Variants in EPHA3 observed in about 807,000 individuals in gnomAD.
The protein encoded by EPHA3 is ephrin type-A receptor 3.
Under a neutral mutation model 107.1 loss-of-function variants are expected in EPHA3, and 42 were observed. The observed-to-expected ratio is 0.39, with a 90% CI of 0.31 to 0.51. EPHA3 has a LOEUF of 0.51. Ranked by LOEUF, EPHA3 falls within the 20% of genes least tolerant of loss-of-function variation. EPHA3 has a pLI of 0.78. For synonymous variants in EPHA3, 461 were observed against 424.8 expected, an observed-to-expected ratio of 1.09 and a Z score of -1.05; for missense variants, 1,183 against 1,211.2, an observed-to-expected ratio of 0.98 and a Z score of 0.35.
At chr3:89,293,663 G>A (rs1001710398) in intron 3 of EPHA3, among the ~76,000 whole-genome samples, 5 of 152,058 alleles carry the variant, frequency 3.3e-5, no homozygotes, top group Admixed American at 2.0e-4. Context: ...AAAAGAGTGT[G>A]GCACTTCCCT....
Position 89,367,852 on chromosome 3 carries a change from T to C in EPHA3, c.1306+25762T>C, listed in dbSNP as rs149661363. On this transcript the variant is annotated intron_variant, in intron 5 of 16. Coordinates refer to ENST00000336596, the MANE Select transcript of EPHA3 (RefSeq NM_005233.6). ...AATTCTTCTCAGCTGGAAATAGTTG[T>C]CCTTTTATCACAACTCCCATAGGGC... Among the ~76,000 whole-genome samples, 779 of 150,926 alleles carry C rather than the reference T, an allele frequency of 5.2e-3. 13 individuals carry two copies. The highest frequency in any genetic ancestry group is 0.018 in the African/African-American group (732 of 41,426).
intron 3 of EPHA3, among the ~76,000 whole-genome samples, chr3:89,240,217 TTC>T (rs1331286806): frequency 6.6e-6 from 1 of 152,210 alleles, no homozygotes; most frequent in Non-Finnish European, 1.5e-5. Flanking sequence ...GATGATGATT[TTC>T]TGTTTTGTTT....
Position 89,219,689 on chromosome 3 carries a change from T to TGTTTTTTTTTGTTTTTTTG in EPHA3, c.814+9169_814+9170insGTTTTTTTTTGTTTTTTTG, listed in dbSNP as rs1265976438. Among the ~76,000 whole-genome samples the TGTTTTTTTTTGTTTTTTTG allele has an allele frequency of 1.1e-3, 19 of 16,608 alleles. 1 individual carries two copies. Among genetic ancestry groups the TGTTTTTTTTTGTTTTTTTG allele is most frequent in the African/African-American group, 3.6e-3 (19 of 5,304 alleles). The allele number at this position is 16,608 out of a possible 152,430, so 10.9% of individuals were successfully genotyped here. A position where few individuals can be genotyped will look rare whatever the true frequency, so the allele number is the denominator to read the frequency against. Reference sequence around the variant, plus strand: ...TACCTCCAAGAGGCATTTGGCAATGTTTTTTTTTTTTTTGTTTTTTGTTTT... The same window carrying TGTTTTTTTTTGTTTTTTTG: ...TACCTCCAAGAGGCATTTGGCAATGTGTTTTTTTTTGTTTTTTTGTTTTTTTTTTTTTGTTTTTTGTTTT... On this transcript the variant is annotated intron_variant, in intron 3 of 16. Coordinates refer to ENST00000336596, the MANE Select transcript of EPHA3 (RefSeq NM_005233.6).
chr3:89,309,899 A>G (rs1285563281), intron 3 of EPHA3, among the ~76,000 whole-genome samples: 1 of 139,892 alleles, frequency 7.1e-6, no homozygotes, highest in Non-Finnish European at 1.5e-5. Context: ...CAAACATTCC[A>G]TTTCATAATG....
At chr3:89,132,981 C>T (rs531828145) in intron 2 of EPHA3, among the ~76,000 whole-genome samples, 2 of 152,262 alleles carry the variant, frequency 1.3e-5, no homozygotes, top group South Asian at 4.1e-4. Flanking sequence ...CACTTTAGAG[C>T]AAATGAGATT....
chr3:89,171,707 G>C (rs186680901), intron 2 of EPHA3, among the ~76,000 whole-genome samples: 1 of 151,946 alleles, frequency 6.6e-6, no homozygotes, highest in Non-Finnish European at 1.5e-5. Context: ...TTCTAATCAC[G>C]GGGAAAAAAA....
chr3:89,179,184 G>A (rs1559587638), intron 2 of EPHA3, among the ~76,000 whole-genome samples: 1 of 151,908 alleles, frequency 6.6e-6, no homozygotes, highest in Non-Finnish European at 1.5e-5. Context: ...TTCAAGTATT[G>A]TGAAATTATA....
At chr3:89,459,443 CTCTT>C (rs552048459) in intron 15 of EPHA3, among the ~76,000 whole-genome samples, 10 of 150,176 alleles carry the variant, frequency 6.7e-5, no homozygotes, top group Non-Finnish European at 1.5e-4. Context: ...TTCTTTCTTT[CTCTT>C]TCTTTCTTCC....
intron 3 of EPHA3, among the ~76,000 whole-genome samples, chr3:89,249,443 T>C (rs755548409): frequency 1.3e-5 from 2 of 152,142 alleles, no homozygotes; most frequent in Non-Finnish European, 2.9e-5. Flanking sequence ...TGTTTAGATT[T>C]ATTTTTTATT....
At chr3:89,233,573 T>C (rs531396474) in intron 3 of EPHA3, among the ~76,000 whole-genome samples, 112 of 152,328 alleles carry the variant, frequency 7.4e-4, no homozygotes, top group Non-Finnish European at 1.2e-3. Flanking sequence ...TTTTTTCTCA[T>C]GTACTGAATT....
chr3:89,121,467 A>G (rs1473207327), intron 1 of EPHA3, among the ~76,000 whole-genome samples: 1 of 151,710 alleles, frequency 6.6e-6, no homozygotes, highest in African/African-American at 2.4e-5. Flanking sequence ...TAAAGCTATT[A>G]AAGTATTTTG....
At chr3:89,415,406 TAGAA>T (rs1709226708) in intron 10 of EPHA3, among the ~76,000 whole-genome samples, 1 of 147,702 alleles carries the variant, frequency 6.8e-6, no homozygotes, top group South Asian at 2.1e-4. Context: ...CTTCCATTGT[TAGAA>T]AGGCAAACCT....
chr3:89,347,523 A>G (rs1483731073), intron 5 of EPHA3, among the ~76,000 whole-genome samples: 4 of 148,474 alleles, frequency 2.7e-5, no homozygotes, highest in South Asian at 2.1e-4. Context: ...GGCTGAGACA[A>G]TGGGGTTTTC....
chr3:89,231,675 A>G lies in EPHA3; in HGVS notation c.814+21155A>G, dbSNP rs768303313. 7.2e-5 allele frequency among the ~76,000 whole-genome samples: 11 copies of G among 152,294 alleles called. No homozygotes were observed. The East Asian group carries it at 1.9e-3, about 27-fold the overall frequency. On this transcript the variant is annotated intron_variant, in intron 3 of 16. Coordinates refer to ENST00000336596, the MANE Select transcript of EPHA3 (RefSeq NM_005233.6). ...CCTTTCTAACAAGCTCTCAGGTGAT[A>G]TGAACTTTAGAAGGGAAAAAATAAT...
chr3:89,316,477 A>ATGTG lies in EPHA3; in HGVS notation c.815-24415_815-24412dup, dbSNP rs59376338. On this transcript the variant is annotated intron_variant, in intron 3 of 16. Transcript: ENST00000336596. ...CTTTCAGAGTATACACTGTATATAT[A>ATGTG]TGTGTGTGTGTGTGTGTGTGTGTGT... 3.1e-3 allele frequency among the ~76,000 whole-genome samples: 409 copies of ATGTG among 130,744 alleles called. 5 individuals are homozygous for ATGTG. The highest frequency in any genetic ancestry group is 0.011 in the African/African-American group (364 of 34,222). 85.8% of individuals were successfully genotyped at this position (130,744 alleles called of 152,430 possible).
chr3:89,387,996 C>A (rs1328877555), intron 5 of EPHA3, among the ~76,000 whole-genome samples: 2 of 151,974 alleles, frequency 1.3e-5, no homozygotes, highest in Non-Finnish European at 2.9e-5. Context: ...GGAGGAAATT[C>A]TGGTCAAAAT....
At chr3:89,188,311 G>A (rs982238099) in intron 2 of EPHA3, among the ~76,000 whole-genome samples, 8 of 152,146 alleles carry the variant, frequency 5.3e-5, no homozygotes, top group Admixed American at 2.0e-4. Context: ...TGGCTCAGTC[G>A]TCAACCGTCA....
intron 3 of EPHA3, among the ~76,000 whole-genome samples, chr3:89,302,547 A>T (rs997042823): frequency 6.6e-6 from 1 of 152,126 alleles, no homozygotes; most frequent in African/African-American, 2.4e-5. Context: ...GTCAGGGGCA[A>T]AGTGGTGAAA....
intron 2 of EPHA3, among the ~76,000 whole-genome samples, chr3:89,161,474 A>T (rs1231500535): frequency 6.6e-6 from 1 of 152,142 alleles, no homozygotes; most frequent in Non-Finnish European, 1.5e-5. Flanking sequence ...TTTGAAATCT[A>T]ACAATGTATC....
Sources: allele counts gnomAD v4.1 joint callset (sites outside exome capture counted in the v4.1 genomes callset), GRCh38; gene constraint gnomAD v4.1.1; transcripts MANE v1.5; gene names NCBI Gene and HGNC (gene_info 2026-07-23, HGNC 2026-07-21).